PRAF2: variants seen among roughly 807,000 people sequenced by gnomAD.
The protein encoded by PRAF2 is PRA1 domain family member 2.
PRAF2 carries 5 observed loss-of-function variants against 9.7 expected under a neutral mutation model. That is an observed-to-expected ratio of 0.51 (90% CI 0.27 to 1.08). The LOEUF (loss-of-function observed/expected upper bound fraction) is 1.08, where lower values mean the gene tolerates loss of function less well. Among genes scored for constraint, PRAF2 ranks in the 50% least tolerant of loss-of-function variants. PRAF2 has a pLI of 0.12. For missense variants in PRAF2, 135 were observed against 160.7 expected, an observed-to-expected ratio of 0.84 and a Z score of 0.86; for synonymous variants, 61 against 76.6, an observed-to-expected ratio of 0.80 and a Z score of 1.06.
chrX:49,072,770 C>T, intron 1 of PRAF2, 120 bp from the exon 2 acceptor site: 1 of 686,868 alleles, frequency 1.5e-6, no homozygotes, highest in East Asian at 3.5e-5. Context: ...CCTGGCACAT[C>T]CTCCCACCAG....
At position 49,072,551 on chromosome X, in the gene PRAF2, G is replaced by C; in HGVS notation, c.279C>G (p.Arg93=). The change falls in exon 2 of 3, where the codon CGC becomes CGG. Residue 93 remains arginine (R), a synonymous_variant. Transcript: ENST00000553851. The stretch of plus-strand genomic sequence containing the variant: ...AGGCTGCAGGGTGGCTGCGGCGGCA[G>C]CGGCGCACAGCTGCGCGGGTCTCAG... ...WAAETRAAVR[R]CRRSHPAACL... is the part of the protein sequence containing the mutation. 1.7e-6 allele frequency: 2 copies of C among 1,167,022 alleles called. No individual in the cohort carries two copies. The highest frequency in any genetic ancestry group is 2.3e-6 in the Non-Finnish European group (2 of 873,117).
In PRAF2 at chrX:49,071,703, C is replaced by T. The variant is rs2065011354; in HGVS notation, c.*166G>A. The T allele has an allele frequency of 5.9e-6, 3 of 504,759 alleles. No individual in the cohort carries two copies. In the South Asian group the frequency reaches 1.2e-4, roughly 20 times the overall value. 41.6% of individuals were successfully genotyped at this position (504,759 alleles called of 1,213,427 possible). A position where few individuals can be genotyped will look rare whatever the true frequency, so the allele number is the denominator to read the frequency against. On this transcript the variant is annotated 3_prime_UTR_variant, in exon 3 of 3. Transcript: ENST00000553851. Reference sequence around the variant, plus strand: ...AATGGGGGCTGGGTGTGAGGGATATCTTAGTTTGGGGCTGGCGTGGGGGTA... The same window carrying T: ...AATGGGGGCTGGGTGTGAGGGATATTTTAGTTTGGGGCTGGCGTGGGGGTA...
chrX:49,071,830 G>A lies in PRAF2; in HGVS notation c.*39C>T. 8.5e-7 allele frequency: 1 copy of A among 1,175,589 alleles called. No homozygotes were observed. The highest frequency in any genetic ancestry group is 1.1e-6 in the Non-Finnish European group (1 of 877,564). On this transcript the variant is annotated 3_prime_UTR_variant, in exon 3 of 3. Transcript: ENST00000553851. Reference sequence around the variant, plus strand: ...GGTCCCAATTATGGGCTGGGGGTGGGGTGGTATTCTCCAGGTCCTGGGTAC... The same window carrying A: ...GGTCCCAATTATGGGCTGGGGGTGGAGTGGTATTCTCCAGGTCCTGGGTAC...
chrX:49,072,354 G>C (rs2065014111), intron 2 of PRAF2, 79 bp downstream of exon 2: 1 of 1,098,326 alleles, frequency 9.1e-7, no homozygotes, highest in Non-Finnish European at 1.2e-6. Flanking sequence ...CTCTCAACCC[G>C]GGGACCGGCA....
At chrX:49,072,230 C>T (rs1250364512) in intron 2 of PRAF2, 3 of 598,073 alleles carry the variant, frequency 5.0e-6, no homozygotes, top group Non-Finnish European at 7.7e-6. Context: ...GCACTTAACA[C>T]CAAGAGTGAG....
At position 49,074,000 on chromosome X, in the gene PRAF2, T is replaced by C. The variant is rs369296229; in HGVS notation, c.-13A>G. On this transcript the variant is annotated 5_prime_UTR_variant, in exon 1 of 3. Coordinates refer to ENST00000553851, the MANE Select transcript of PRAF2 (RefSeq NM_007213.3). Reference sequence around the variant, plus strand: ...GCACCTCCGACATCCTGCCGGTTAATGTGGCTGGACCAGCCAGGAGGGGGC... The same window carrying C: ...GCACCTCCGACATCCTGCCGGTTAACGTGGCTGGACCAGCCAGGAGGGGGC... 12 of 1,187,757 alleles carry C rather than the reference T, an allele frequency of 1.0e-5. No individual in the cohort carries two copies. The African/African-American group carries it at 1.6e-4, about 16-fold the overall frequency.
chrX:49,073,929 G>A lies in PRAF2; in HGVS notation c.59C>T (p.Ala20Val), dbSNP rs782276544. 1.7e-6 allele frequency: 2 copies of A among 1,209,853 alleles called. No homozygotes were observed. Among genetic ancestry groups the A allele is most frequent in the Non-Finnish European group, 2.2e-6 (2 of 894,912 alleles). ...RALDDFVLGS[A>V]RLAAPDPCDP... ...GCATGGATCCGGAGCCGCCAGACGC[G>A]CCGACCCCAGAACAAAGTCGTCCAG... is the stretch of plus-strand genomic sequence containing the variant. Residue 20 changes from alanine to valine, a missense_variant, in exon 1 of 3, where the codon GCG becomes GTG. Ala to Val is a moderately conservative substitution (Grantham distance 64). Coordinates refer to ENST00000553851, the MANE Select transcript of PRAF2 (RefSeq NM_007213.3).
chrX:49,073,651 G>GC (rs1453876541), intron 1 of PRAF2, among the ~76,000 whole-genome samples, 158 bp downstream of exon 1: 4 of 110,284 alleles, frequency 3.6e-5, no homozygotes, highest in Non-Finnish European at 7.6e-5. Flanking sequence ...CTCCTTCAAG[G>GC]CCCCCCTTCC....
chrX:49,073,860 T>A lies in PRAF2; in HGVS notation c.128A>T (p.Tyr43Phe). The stretch of plus-strand genomic sequence containing the variant: ...GCAGAGAAGGTAGTTGGTTTGGTAG[T>A]AGAGGAGGTTGTTGATGACGCGGTG... ...WCHRVINNLL[Y>F]YQTNYLLCFG... Residue 43 changes from tyrosine to phenylalanine, a missense_variant, in exon 1 of 3, where the codon TAC becomes TTC. Physicochemically the swap from Tyr to Phe is conservative, Grantham distance 22. Coordinates refer to ENST00000553851, the MANE Select transcript of PRAF2 (RefSeq NM_007213.3). 8.3e-7 allele frequency: 1 copy of A among 1,212,098 alleles called. No homozygotes were observed. Among genetic ancestry groups the A allele is most frequent in the Non-Finnish European group, 1.1e-6 (1 of 895,499 alleles).
At chrX:49,073,478 G>A (rs782025405) in intron 1 of PRAF2, among the ~76,000 whole-genome samples, 21 of 108,465 alleles carry the variant, frequency 1.9e-4, no homozygotes, top group Non-Finnish European at 3.4e-4. Context: ...CCCCCTTTCG[G>A]GCCCTCCTTT....
At chrX:49,072,749 G>C in intron 1 of PRAF2, 99 bp from the exon 2 acceptor site, 1 of 834,367 alleles carries the variant, frequency 1.2e-6, no homozygotes, top group Admixed American at 2.8e-5. Flanking sequence ...TCCCGTCTCC[G>C]GACACTCCAG....
At position 49,073,973 on chromosome X, in the gene PRAF2, C is replaced by T. The variant is rs2065021092; in HGVS notation, c.15G>A (p.Arg5=). 1 of 1,201,754 alleles carries T rather than the reference C, an allele frequency of 8.3e-7. No homozygotes were observed. Among genetic ancestry groups the T allele is most frequent in the Non-Finnish European group, 1.1e-6 (1 of 891,142 alleles). The part of the protein sequence containing the change: MSEV[R]LPPLRALDDF... ...CGTCCAGGGCGCGTAGCGGTGGCAG[C>T]CGCACCTCCGACATCCTGCCGGTTA... The change falls in exon 1 of 3, where the codon CGG becomes CGA. Residue 5 remains arginine (R), a synonymous_variant. Coordinates refer to ENST00000553851, the MANE Select transcript of PRAF2 (RefSeq NM_007213.3).
At chrX:49,073,720 C>T (rs998959300) in intron 1 of PRAF2, 89 bp downstream of exon 1, 23 of 1,106,652 alleles carry the variant, frequency 2.1e-5, no homozygotes, top group Non-Finnish European at 2.7e-5. Flanking sequence ...GCACCCCCCT[C>T]AGGTTCCCCG....
intron 2 of PRAF2, 165 bp from the exon 3 acceptor site, chrX:49,072,173 G>A: frequency 2.8e-6 from 2 of 710,825 alleles, no homozygotes; most frequent in South Asian, 2.8e-5. Context: ...GGCAACGTGG[G>A]CATGGCCAGG....
chrX:49,072,698 C>T, intron 1 of PRAF2, 48 bp from the exon 2 acceptor site: 1 of 1,111,853 alleles, frequency 9.0e-7, no homozygotes. Flanking sequence ...GAGAGACGGC[C>T]TCCGGACCAC....
rs377115675 is a variant in PRAF2 at position 49,071,943 on chromosome X, T to G, written c.463A>C (p.Ser155Arg). Reference sequence around the variant, plus strand: ...ATTGGCGTCCGCTTGAGACCAATGCTCTCGATCTTGTTCTCAATCTTGTTC... The same window carrying G: ...ATTGGCGTCCGCTTGAGACCAATGCGCTCGATCTTGTTCTCAATCTTGTTC... ...LKNKIENKIE[S>R]IGLKRTPMGL... Residue 155 changes from serine (S) to arginine (R), a missense_variant, in exon 3 of 3, where the codon AGC becomes CGC. By Grantham distance (110) the Ser-to-Arg change is moderately radical. Coordinates refer to ENST00000553851, the MANE Select transcript of PRAF2 (RefSeq NM_007213.3). The G allele has an allele frequency of 9.9e-6, 12 of 1,208,458 alleles. No homozygotes were observed. In the African/African-American group the frequency reaches 1.8e-4, roughly 18 times the overall value.
Position 49,073,912 on chromosome X carries a change from C to G in PRAF2, c.76G>C (p.Asp26His), listed in dbSNP as rs1363672196. 3 of 1,210,690 alleles carry G rather than the reference C, an allele frequency of 2.5e-6. No homozygotes were observed. Among genetic ancestry groups the G allele is most frequent in the Non-Finnish European group, 3.4e-6 (3 of 895,243 alleles). Residue 26 changes from aspartate to histidine, a missense_variant, in exon 1 of 3, where the codon GAT becomes CAT. Transcript: ENST00000553851. ...CACCATCGCTGCGGGTCGCATGGAT[C>G]CGGAGCCGCCAGACGCGCCGACCCC... ...VLGSARLAAPDPCDPQRWCHR... is the reference protein window; with the variant it reads ...VLGSARLAAPHPCDPQRWCHR...
intron 1 of PRAF2, among the ~76,000 whole-genome samples, chrX:49,073,468 C>A (rs1457738730): frequency 9.1e-6 from 1 of 110,094 alleles, no homozygotes; most frequent in Non-Finnish European, 1.9e-5. Flanking sequence ...ACTCTCATGT[C>A]CCCCTTTCGG....
chrX:49,072,785 A>G (rs1034101873), intron 1 of PRAF2, 135 bp from the exon 2 acceptor site: 1 of 608,265 alleles, frequency 1.6e-6, no homozygotes, highest in Non-Finnish European at 2.6e-6. Flanking sequence ...CACCAGCCCT[A>G]TCTCCAGCAG....
Sources: allele counts gnomAD v4.1 joint callset (sites outside exome capture counted in the v4.1 genomes callset), GRCh38; gene constraint gnomAD v4.1.1; transcripts MANE v1.5; gene names NCBI Gene and HGNC (gene_info 2026-07-23, HGNC 2026-07-21).